TEX11: variants seen among roughly 807,000 people sequenced by gnomAD.
TEX11 encodes testis expressed 11.
TEX11 carries 7 observed loss-of-function variants against 84.4 expected under a neutral mutation model. The ratio of observed to expected loss-of-function variants is 0.08; its 90% CI spans 0.05 to 0.16. The LOEUF (loss-of-function observed/expected upper bound fraction) is 0.16. Among genes scored for constraint, TEX11 ranks in the 10% least tolerant of loss-of-function variants. The pLI is 1.00. For missense variants in TEX11, 551 were observed against 660.5 expected (o/e 0.83, Z 1.82); for synonymous variants, 264 against 222.8 (o/e 1.18, Z -1.64).
At position 70,893,312 on chromosome X, in the gene TEX11, C is replaced by A. The variant is rs1002524091; in HGVS notation, c.38-13203G>T. 6.3e-5 allele frequency among the ~76,000 whole-genome samples: 7 copies of A among 111,509 alleles called. No individual in the cohort carries two copies. The Admixed American group carries it at 6.7e-4, about 11-fold the overall frequency. On this transcript the variant is annotated intron_variant, in intron 2 of 29. Transcript: ENST00000374333. Reference sequence around the variant, plus strand: ...CCACATAATTGGAAGTAAAATACTCCTCAGCAAATGCAAAAGAACGGAAAT... The same window carrying A: ...CCACATAATTGGAAGTAAAATACTCATCAGCAAATGCAAAAGAACGGAAAT...
At chrX:70,746,021 G>A (rs1366130654) in intron 9 of TEX11, among the ~76,000 whole-genome samples, 1 of 111,682 alleles carries the variant, frequency 9.0e-6, no homozygotes, top group Non-Finnish European at 1.9e-5. Context: ...TCTGAAAATT[G>A]AAATTGTCCT....
intron 17 of TEX11, among the ~76,000 whole-genome samples, chrX:70,640,341 C>G (rs1410987554): frequency 4.8e-5 from 5 of 104,394 alleles, no homozygotes; most frequent in African/African-American, 1.7e-4. Context: ...TTGGAAAACA[C>G]TCTGCAGGAT....
intron 13 of TEX11, among the ~76,000 whole-genome samples, chrX:70,721,824 A>G (rs2090561700): frequency 8.9e-6 from 1 of 112,094 alleles, no homozygotes; most frequent in Non-Finnish European, 1.9e-5. Flanking sequence ...CTTAACCTGT[A>G]AGAAAAGTTT....
At chrX:70,568,224 C>T (rs1177985164) in intron 25 of TEX11, among the ~76,000 whole-genome samples, 1 of 111,343 alleles carries the variant, frequency 9.0e-6, no homozygotes, top group Non-Finnish European at 1.9e-5. Flanking sequence ...AATAGGATCG[C>T]AACCCCTGCC....
intron 17 of TEX11, among the ~76,000 whole-genome samples, chrX:70,650,021 C>T (rs2089793202): frequency 9.0e-6 from 1 of 111,461 alleles, no homozygotes; most frequent in South Asian, 3.8e-4. Flanking sequence ...GTTTCAAATG[C>T]ATTAAGTTAA....
chrX:70,639,436 G>C (rs1303106328), intron 17 of TEX11, among the ~76,000 whole-genome samples: 4 of 112,164 alleles, frequency 3.6e-5, no homozygotes, highest in African/African-American at 9.7e-5. Context: ...GGAGGCCTGC[G>C]TGCCTCTGTA....
At chrX:70,897,157 C>T (rs865857823) in intron 2 of TEX11, among the ~76,000 whole-genome samples, 203 of 24,011 alleles carry the variant, frequency 8.5e-3, no homozygotes, top group African/African-American at 0.014. Context: ...TTATATATAA[C>T]ATATATATTT....
chrX:70,643,595 A>C (rs1356138723), intron 17 of TEX11, among the ~76,000 whole-genome samples: 7 of 108,732 alleles, frequency 6.4e-5, no homozygotes. Flanking sequence ...GGAACAGAAC[A>C]GAGCCCTCAG....
intron 2 of TEX11, among the ~76,000 whole-genome samples, chrX:70,885,763 C>G (rs1352102599): frequency 9.2e-6 from 1 of 108,522 alleles, no homozygotes. Context: ...ACGGTGGCAC[C>G]ACCTGTAGTG....
intron 4 of TEX11, among the ~76,000 whole-genome samples, chrX:70,865,841 A>G (rs1034924781): frequency 7.1e-5 from 8 of 112,003 alleles, no homozygotes; most frequent in African/African-American, 1.9e-4. Flanking sequence ...TTTGAAACCA[A>G]TGAGAACAAA....
chrX:70,519,311 G>A, the TEX11 span, among the ~76,000 whole-genome samples: 1 of 111,849 alleles, frequency 8.9e-6, no homozygotes, highest in Admixed American at 9.5e-5. Flanking sequence ...AGGCCTGCTG[G>A]TGACAAAATC....
chrX:70,760,412 A>G (rs775713378), intron 9 of TEX11, among the ~76,000 whole-genome samples: 6 of 111,751 alleles, frequency 5.4e-5, no homozygotes, highest in Non-Finnish European at 9.4e-5. Flanking sequence ...GTACCAAAAC[A>G]GAGATATAGA....
chrX:70,661,210 G>A (rs1167047073), intron 16 of TEX11, among the ~76,000 whole-genome samples: 1 of 112,178 alleles, frequency 8.9e-6, no homozygotes, highest in African/African-American at 3.2e-5. Flanking sequence ...CTTAGCAAAC[G>A]GCACACCAGG....
At chrX:70,635,376 T>C (rs2089559088) in intron 17 of TEX11, among the ~76,000 whole-genome samples, 1 of 112,074 alleles carries the variant, frequency 8.9e-6, no homozygotes. Context: ...CTCCAGGTCA[T>C]ATCCTGCAGA....
chrX:70,591,624 G>GA (rs1027242288), intron 25 of TEX11, 127 bp downstream of exon 25: 17,212 of 375,126 alleles, frequency 0.046, 1 homozygote, highest in East Asian at 0.051. Context: ...CAAAACAACA[G>GA]AAAAAAAAAA....
rs186812885 is a variant in TEX11, at chrX:70,582,991, C to A, written c.2140+8760G>T. On this transcript the variant is annotated intron_variant, in intron 25 of 29. Transcript: ENST00000374333. ...GAACTCCTGACTTCAGGTGATCCAC[C>A]CACCTCGGCCTTCCAAAGCCCTATG... 2.5e-3 allele frequency among the ~76,000 whole-genome samples: 279 copies of A among 110,357 alleles called. 3 individuals carry two copies. Among genetic ancestry groups the A allele is most frequent in the African/African-American group, 8.6e-3 (261 of 30,360 alleles).
At chrX:70,892,583 A>C (rs2091744127) in intron 2 of TEX11, among the ~76,000 whole-genome samples, 1 of 110,222 alleles carries the variant, frequency 9.1e-6, no homozygotes, top group South Asian at 3.9e-4. Flanking sequence ...AAATACAAAA[A>C]ATTGCTGGGC....
intron 8 of TEX11, among the ~76,000 whole-genome samples, chrX:70,816,279 A>AT (rs2091285771): frequency 8.9e-6 from 1 of 112,208 alleles, no homozygotes; most frequent in Admixed American, 9.5e-5. Flanking sequence ...ACTGGCATCC[A>AT]TTTTTTATGT....
chrX:70,690,109 A>G (rs1464742724), intron 13 of TEX11, among the ~76,000 whole-genome samples: 2 of 111,676 alleles, frequency 1.8e-5, no homozygotes, highest in East Asian at 5.6e-4. Context: ...AGAAAAATAT[A>G]TCTAAGAAAC....
Sources: allele counts gnomAD v4.1 joint callset (sites outside exome capture counted in the v4.1 genomes callset), GRCh38; gene constraint gnomAD v4.1.1; transcripts MANE v1.5; gene names NCBI Gene and HGNC (gene_info 2026-07-23, HGNC 2026-07-21).